Variants in CNTNAP2 observed in about 807,000 individuals in gnomAD.
CNTNAP2 encodes contactin associated protein 2, also known as contactin-associated protein-like 2.
CNTNAP2 carries 98 observed loss-of-function variants against 155.2 expected under a neutral mutation model. That is an observed-to-expected ratio of 0.63 (90% confidence interval 0.54 to 0.75). The LOEUF (loss-of-function observed/expected upper bound fraction) is 0.75. CNTNAP2 is among the 30% of genes least tolerant of loss of function. CNTNAP2 has a pLI of 0.00. For synonymous variants in CNTNAP2, 651 were observed against 631.2 expected (o/e 1.03, Z -0.47); for missense variants, 1,727 against 1,688.1 (o/e 1.02, Z -0.40).
intron 1 of CNTNAP2, among the ~76,000 whole-genome samples, chr7:146,653,704 A>G (rs889296425): frequency 6.6e-6 from 1 of 152,226 alleles, no homozygotes; most frequent in Non-Finnish European, 1.5e-5. Context: ...TGACTTGGGA[A>G]AATCATCTTA....
intron 3 of CNTNAP2, among the ~76,000 whole-genome samples, chr7:146,931,105 C>T (rs1585164671): frequency 6.6e-6 from 1 of 151,292 alleles, no homozygotes; most frequent in Non-Finnish European, 1.5e-5. Context: ...ATCTACAGAA[C>T]TCTCCACCCC....
chr7:147,371,320 C>A (rs1796334526), intron 9 of CNTNAP2, among the ~76,000 whole-genome samples: 1 of 151,856 alleles, frequency 6.6e-6, no homozygotes, highest in Non-Finnish European at 1.5e-5. Context: ...AAGAAGAAAC[C>A]CCATTTATTT....
intron 3 of CNTNAP2, among the ~76,000 whole-genome samples, chr7:146,953,393 T>TA (rs529720925): frequency 1.1e-4 from 16 of 151,726 alleles, no homozygotes; most frequent in East Asian, 9.7e-4. Context: ...AACGAGATGA[T>TA]AAAAAAAACT....
chr7:146,618,282 T>C (rs1408356511), intron 1 of CNTNAP2, among the ~76,000 whole-genome samples: 1 of 152,128 alleles, frequency 6.6e-6, no homozygotes, highest in African/African-American at 2.4e-5. Context: ...CATAGTAAAA[T>C]TACAAAATTA....
chr7:147,007,189 G>C (rs768546959), intron 3 of CNTNAP2, among the ~76,000 whole-genome samples: 2 of 152,102 alleles, frequency 1.3e-5, no homozygotes, highest in South Asian at 2.1e-4. Context: ...GCACATGCTC[G>C]CTACTGGGGA....
At chr7:146,841,784 C>T (rs1390110100) in intron 3 of CNTNAP2, among the ~76,000 whole-genome samples, 1 of 151,958 alleles carries the variant, frequency 6.6e-6, no homozygotes, top group African/African-American at 2.4e-5. Context: ...AATACTTGAA[C>T]TTTAATGTAT....
At chr7:146,299,900 C>G (rs1416925162) in intron 1 of CNTNAP2, among the ~76,000 whole-genome samples, 3 of 152,048 alleles carry the variant, frequency 2.0e-5, no homozygotes, top group African/African-American at 7.2e-5. Flanking sequence ...AAGAATAGGC[C>G]TAGGTTATGG....
chr7:147,527,227 G>C (rs1163055333), intron 11 of CNTNAP2, among the ~76,000 whole-genome samples: 1 of 151,844 alleles, frequency 6.6e-6, no homozygotes, highest in African/African-American at 2.4e-5. Context: ...GTTTCACTGT[G>C]TTAGCCAGGA....
At chr7:146,117,922 A>G (rs1202375634) in intron 1 of CNTNAP2, among the ~76,000 whole-genome samples, 2 of 152,190 alleles carry the variant, frequency 1.3e-5, no homozygotes, top group Non-Finnish European at 2.9e-5. Flanking sequence ...AGTTTCTGAG[A>G]ATGAGTAAGT....
intron 15 of CNTNAP2, among the ~76,000 whole-genome samples, chr7:148,112,675 G>A (rs1366129834): frequency 1.3e-5 from 2 of 152,060 alleles, no homozygotes; most frequent in African/African-American, 4.8e-5. Flanking sequence ...AATTACAGGT[G>A]TGAGGCACCA....
chr7:146,118,076 CT>C (rs1797512268), intron 1 of CNTNAP2, among the ~76,000 whole-genome samples: 1 of 152,048 alleles, frequency 6.6e-6, no homozygotes, highest in Non-Finnish European at 1.5e-5. Flanking sequence ...ATTAATGCAT[CT>C]TTGTTAATAA....
chr7:147,219,426 T>C (rs1024763396), intron 8 of CNTNAP2, among the ~76,000 whole-genome samples: 1 of 151,698 alleles, frequency 6.6e-6, no homozygotes, highest in East Asian at 1.9e-4. Context: ...AGTCCAAGAG[T>C]CCAAAAGCTG....
intron 11 of CNTNAP2, among the ~76,000 whole-genome samples, chr7:147,505,943 C>T (rs1360764172): frequency 2.6e-5 from 4 of 152,152 alleles, no homozygotes; most frequent in Non-Finnish European, 5.9e-5. Flanking sequence ...CTCTTTCCCT[C>T]CCCTTGTCAA....
At chr7:147,263,905 G>A (rs1462071196) in intron 8 of CNTNAP2, among the ~76,000 whole-genome samples, 2 of 152,134 alleles carry the variant, frequency 1.3e-5, no homozygotes, top group African/African-American at 4.8e-5. Flanking sequence ...AGACGTATAG[G>A]GGAAAGAGCA....
chr7:147,794,609 T>A (rs851692), intron 13 of CNTNAP2, among the ~76,000 whole-genome samples: 8,069 of 151,914 alleles, frequency 0.053, 641 homozygotes, highest in African/African-American at 0.18. Flanking sequence ...TTTCTGGTGA[T>A]GTCTTTTTCT....
chr7:148,229,500 G>A (rs951579996), intron 19 of CNTNAP2, 146 bp from the exon 20 acceptor site: 1 of 1,075,722 alleles, frequency 9.3e-7, no homozygotes, highest in Non-Finnish European at 1.4e-6. Flanking sequence ...ACTCCAGCCT[G>A]GGCAAGAGCA....
intron 9 of CNTNAP2, among the ~76,000 whole-genome samples, chr7:147,302,772 G>A (rs952664931): frequency 6.6e-6 from 1 of 152,252 alleles, no homozygotes; most frequent in Non-Finnish European, 1.5e-5. Flanking sequence ...AGTTTGGGAT[G>A]CATGAGAATT....
intron 11 of CNTNAP2, among the ~76,000 whole-genome samples, chr7:147,533,446 G>A (rs1178338353): frequency 2.0e-5 from 3 of 151,898 alleles, no homozygotes; most frequent in Non-Finnish European, 2.9e-5. Context: ...GAGCTCAAGG[G>A]ACAAGTACTT....
intron 13 of CNTNAP2, among the ~76,000 whole-genome samples, chr7:147,662,839 C>A (rs1316441231): frequency 6.6e-6 from 1 of 152,168 alleles, no homozygotes; most frequent in East Asian, 1.9e-4. Context: ...ATACAACCAA[C>A]GAAAGCCGAC....
Sources: gnomAD v4.1 joint callset for allele counts (sites outside exome capture counted in the v4.1 genomes callset) on GRCh38, gnomAD v4.1.1 for gene constraint, MANE v1.5 for transcripts, NCBI Gene and HGNC (gene_info 2026-07-23, HGNC 2026-07-21) for gene names.